The following ZHX2 variants were observed in gnomAD, a reference collection of about 807,000 sequenced individuals.
ZHX2 encodes the protein zinc fingers and homeoboxes protein 2.
ZHX2 carries 6 observed loss-of-function variants against 21.9 expected under a neutral mutation model. That is an observed-to-expected ratio of 0.27 (90% CI 0.15 to 0.54). The LOEUF is 0.54. ZHX2 is among the 20% of genes least tolerant of loss of function. ZHX2 has a pLI of 0.95. For synonymous variants in ZHX2, 434 were observed against 437.1 expected (o/e 0.99, Z 0.09); for missense variants, 908 against 1,090.7 (o/e 0.83, Z 2.36).
chr8:122,786,157 G>C (rs1165228249), intron 1 of ZHX2, among the ~76,000 whole-genome samples: 1 of 152,176 alleles, frequency 6.6e-6, no homozygotes, highest in Non-Finnish European at 1.5e-5. Context: ...CTCCTTTCTG[G>C]ATAATTCAGT....
chr8:122,952,154 C>A lies in ZHX2; in HGVS notation c.644C>A (p.Thr215Asn), dbSNP rs774600326. The change falls in exon 3 of 4, where the codon ACC becomes AAC. Residue 215 changes from threonine (T) to asparagine (N), a missense_variant. Transcript: ENST00000314393. This position sits in a 1 kb window ranked among gnomAD's most constrained non-coding sequence, Gnocchi z 6.9. ...ACCCCCGAGAACCACGTGGAAGGGA[C>A]CGCCCGCCTGGTGACAGACACAGCT... The part of the protein sequence containing the change: ...EITPENHVEG[T>N]ARLVTDTAEI... The A allele has an allele frequency of 2.2e-5, 35 of 1,613,456 alleles. No individual in the cohort carries two copies. The highest frequency in any genetic ancestry group is 2.9e-5 in the Non-Finnish European group (34 of 1,179,910).
intron 1 of ZHX2, among the ~76,000 whole-genome samples, chr8:122,856,922 T>G (rs1470465853): frequency 2.0e-5 from 3 of 152,104 alleles, no homozygotes; most frequent in Non-Finnish European, 4.4e-5. Flanking sequence ...AGGCAGAACT[T>G]CTTGAAAGGA....
At chr8:122,902,451 A>G (rs925860978) in intron 2 of ZHX2, among the ~76,000 whole-genome samples, 1 of 152,194 alleles carries the variant, frequency 6.6e-6, no homozygotes, top group African/African-American at 2.4e-5. Flanking sequence ...TACATTGGGG[A>G]TGGAAATAGT....
chr8:122,951,600 C>T lies in ZHX2; in HGVS notation c.90C>T (p.Ala30=). The stretch of plus-strand genomic sequence containing the variant: ...ATGTGCCCGAGGAAGTAGACAGGGC[C>T]AAAGAGAAAGGAATCGGCACACCAC... ...EQDVPEEVDR[A]KEKGIGTPQP... is the part of the protein sequence containing the mutation. Residue 30 remains alanine (A), a synonymous_variant, in exon 3 of 4, where the codon GCC becomes GCT. Transcript: ENST00000314393. 6.2e-7 allele frequency: 1 copy of T among 1,613,808 alleles called. No homozygotes were observed. Among genetic ancestry groups the T allele is most frequent in the Non-Finnish European group, 8.5e-7 (1 of 1,179,956 alleles).
At position 122,793,596 on chromosome 8, in the gene ZHX2, G is replaced by T. The variant is rs574558729; in HGVS notation, c.-283+11650G>T. Among the ~76,000 whole-genome samples the T allele has an allele frequency of 2.6e-3, 402 of 152,316 alleles. 2 individuals carry two copies. Among genetic ancestry groups the T allele is most frequent in the African/African-American group, 9.4e-3 (391 of 41,560 alleles). On this transcript the variant is annotated intron_variant, in intron 1 of 3. Transcript: ENST00000314393. ...CCAGCTTTGTCTGCTGGTCTTCAAGGGTTCAGTTCAGGGAAGGGAGCACTA... is the reference window on the plus strand; with the variant it reads ...CCAGCTTTGTCTGCTGGTCTTCAAGTGTTCAGTTCAGGGAAGGGAGCACTA...
At chr8:122,955,940 G>A (rs1813289256) in intron 3 of ZHX2, among the ~76,000 whole-genome samples, 1 of 150,660 alleles carries the variant, frequency 6.6e-6, no homozygotes, top group African/African-American at 2.5e-5. Context: ...CACCTCTTGG[G>A]TTCAAGCAGT....
At chr8:122,835,173 T>C (rs1818466257) in intron 1 of ZHX2, among the ~76,000 whole-genome samples, 1 of 152,234 alleles carries the variant, frequency 6.6e-6, no homozygotes, top group African/African-American at 2.4e-5. Context: ...AATCTTTTGT[T>C]AATTTGAGAG....
chr8:122,894,229 G>A (rs1820044588), intron 2 of ZHX2, among the ~76,000 whole-genome samples: 1 of 152,226 alleles, frequency 6.6e-6, no homozygotes, highest in South Asian at 2.1e-4. Context: ...AATGCCAGTT[G>A]AGAAGGGAGG....
intron 1 of ZHX2, among the ~76,000 whole-genome samples, chr8:122,811,625 T>C (rs2130608145): frequency 6.6e-6 from 1 of 152,302 alleles, no homozygotes; most frequent in East Asian, 1.9e-4. Flanking sequence ...CTGTGATGTT[T>C]GCAGGAGAGT....
At chr8:122,905,568 A>C (rs1168178363) in intron 2 of ZHX2, among the ~76,000 whole-genome samples, 1 of 152,226 alleles carries the variant, frequency 6.6e-6, no homozygotes, top group Non-Finnish European at 1.5e-5. Flanking sequence ...TTCTTAGAAC[A>C]TCAGGAAGGA....
intron 3 of ZHX2, among the ~76,000 whole-genome samples, chr8:122,966,090 A>G (rs1462446666): frequency 6.6e-6 from 1 of 152,058 alleles, no homozygotes; most frequent in African/African-American, 2.4e-5. Flanking sequence ...TGGTTGGTAG[A>G]TTTTTATCCA....
chr8:122,881,839 C>A (rs1474918580), intron 2 of ZHX2, among the ~76,000 whole-genome samples: 2 of 152,108 alleles, frequency 1.3e-5, no homozygotes, highest in Admixed American at 1.3e-4. Context: ...TAAATCAAGC[C>A]ACTGCGCGAC....
chr8:122,816,203 C>T (rs1304084648), intron 1 of ZHX2, among the ~76,000 whole-genome samples: 1 of 151,896 alleles, frequency 6.6e-6, no homozygotes, highest in East Asian at 1.9e-4. Context: ...GCTAAAGGGG[C>T]AGATGATTAT....
intron 2 of ZHX2, among the ~76,000 whole-genome samples, chr8:122,887,623 C>T (rs1013712605): frequency 6.6e-6 from 1 of 152,084 alleles, no homozygotes; most frequent in Non-Finnish European, 1.5e-5. Context: ...TTTGCAATTA[C>T]TTTTCATTGC....
chr8:122,865,815 T>C (rs1465032106), intron 2 of ZHX2, among the ~76,000 whole-genome samples: 2 of 152,108 alleles, frequency 1.3e-5, no homozygotes, highest in Admixed American at 1.3e-4. Context: ...GAAAAAGTAG[T>C]GTAGGTTGGA....
At chr8:122,792,669 G>A (rs1817539846) in intron 1 of ZHX2, among the ~76,000 whole-genome samples, 1 of 152,160 alleles carries the variant, frequency 6.6e-6, no homozygotes, top group African/African-American at 2.4e-5. Flanking sequence ...TACAGGTGGG[G>A]GAACTGAGGC....
intron 2 of ZHX2, among the ~76,000 whole-genome samples, chr8:122,907,521 G>C (rs2129980092): frequency 6.6e-6 from 1 of 152,132 alleles, no homozygotes; most frequent in East Asian, 1.9e-4. Context: ...GCCCTAAGCA[G>C]TTTCCAGCTT....
At chr8:122,959,411 TTAAC>T (rs777899563) in intron 3 of ZHX2, among the ~76,000 whole-genome samples, 6 of 148,760 alleles carry the variant, frequency 4.0e-5, no homozygotes, top group African/African-American at 5.0e-5. Context: ...AACGAATTAA[TTAAC>T]TAATTAATTA....
At chr8:122,894,968 T>C (rs1162326810) in intron 2 of ZHX2, among the ~76,000 whole-genome samples, 1 of 152,178 alleles carries the variant, frequency 6.6e-6, no homozygotes, top group African/African-American at 2.4e-5. Context: ...TCACAGTACA[T>C]TGAATCAGTA....
Sources: gnomAD v4.1 joint callset for allele counts (sites outside exome capture counted in the v4.1 genomes callset) on GRCh38, gnomAD v4.1.1 for gene constraint, Gnocchi (gnomAD v3.1) non-coding constraint, MANE v1.5 for transcripts, NCBI Gene and HGNC (gene_info 2026-07-23, HGNC 2026-07-21) for gene names.